The following PMPCB variants were observed in gnomAD, a reference collection of about 807,000 sequenced individuals.
PMPCB encodes peptidase, mitochondrial processing subunit beta, also known as mitochondrial-processing peptidase subunit beta.
In PMPCB, 46 loss-of-function variants were observed where a neutral mutation model predicts 61.5. The ratio of observed to expected loss-of-function variants is 0.75; its 90% CI spans 0.59 to 0.96. The LOEUF (loss-of-function observed/expected upper bound fraction) is 0.96. PMPCB is among the 40% of genes least tolerant of loss of function. The pLI is 0.00. For missense variants in PMPCB, 590 were observed against 602.4 expected (o/e 0.98, Z 0.22); for synonymous variants, 191 against 201.6 (o/e 0.95, Z 0.44).
At chr7:103,316,332 A>G, downstream of PMPCB, 2 of 322,150 alleles carry the variant, frequency 6.2e-6, no homozygotes, top group Non-Finnish European at 5.6e-6. Context: ...TGGTGTACAA[A>G]TCAACATAAA....
At chr7:103,345,049 C>T in the PMPCB span, 1 of 344,480 alleles carries the variant, frequency 2.9e-6, no homozygotes, top group Non-Finnish European at 5.2e-6. Context: ...CAGTGATTTT[C>T]CCAGGAGCGC....
chr7:103,304,362 TC>T (rs1586043059), intron 5 of PMPCB, 48 bp from the exon 6 acceptor site: 11 of 1,040,698 alleles, frequency 1.1e-5, no homozygotes, highest in Non-Finnish European at 1.1e-5. Context: ...TATGTGAAGA[TC>T]TGTTTTTTTT....
In PMPCB at chr7:103,304,413, C is replaced by G; in HGVS notation, c.659C>G (p.Ser220Cys). Reference protein sequence around the residue: ...TILGPTENIKSISRKDLVDYI... With the variant: ...TILGPTENIKCISRKDLVDYI... Reference sequence around the variant, plus strand: ...AAATTGTTTTACTTCATTTACAGATCTATAAGTCGTAAGGACTTAGTGGAT... The same window carrying G: ...AAATTGTTTTACTTCATTTACAGATGTATAAGTCGTAAGGACTTAGTGGAT... The change falls in exon 6 of 13, where the codon TCT (serine) becomes TGT (cysteine). Residue 220 changes from serine (S) to cysteine (C), a missense_variant and splice_region_variant. Physicochemically the swap from Ser to Cys is moderately radical, Grantham distance 112. Transcript: ENST00000249269. The G allele has an allele frequency of 6.4e-7, 1 of 1,556,758 alleles. No individual in the cohort carries two copies. The highest frequency in any genetic ancestry group is 8.9e-7 in the Non-Finnish European group (1 of 1,129,306).
At chr7:103,305,178 T>C (rs1020631177) in intron 6 of PMPCB, among the ~76,000 whole-genome samples, 2 of 152,222 alleles carry the variant, frequency 1.3e-5, no homozygotes, top group African/African-American at 4.8e-5. Flanking sequence ...GTTCATTCTT[T>C]GATTTGTTCA....
Position 103,312,925 on chromosome 7 carries a change from T to TATA in PMPCB, c.*656_*658dup, listed in dbSNP as rs754645435. On this transcript the variant is annotated 3_prime_UTR_variant, in exon 13 of 13. Transcript: ENST00000249269. ...AGCTACAATTTAAAATACAACAATC[T>TATA]ATAAACGCTTAAGTCTGCAACCTTG... 1 of 1,597,214 alleles carries TATA rather than the reference T, an allele frequency of 6.3e-7. No individual in the cohort carries two copies.
chr7:103,298,998 A>T (rs945070408), intron 2 of PMPCB, among the ~76,000 whole-genome samples: 2 of 152,230 alleles, frequency 1.3e-5, no homozygotes, highest in Non-Finnish European at 2.9e-5. Context: ...CTACTCTGCC[A>T]AGTGTTTTTA....
intron 12 of PMPCB, chr7:103,326,486 A>C (rs753582405): frequency 7.7e-6 from 12 of 1,555,570 alleles, no homozygotes; most frequent in Non-Finnish European, 1.1e-5. Context: ...GAAACCTGGA[A>C]GACTACAATA....
At chr7:103,344,612 A>C in the PMPCB span, 1 of 1,611,840 alleles carries the variant, frequency 6.2e-7, no homozygotes, top group East Asian at 2.2e-5. Flanking sequence ...GGCGCTTGGC[A>C]GAAGCAGCAT....
rs1473832731 is a variant in PMPCB, at chr7:103,297,535, C to G, written c.76C>G (p.Leu26Val). The G allele has an allele frequency of 2.5e-6, 4 of 1,609,172 alleles. No homozygotes were observed. Among genetic ancestry groups the G allele is most frequent in the South Asian group, 1.1e-5 (1 of 90,702 alleles). Reference protein sequence around the residue: ...RRLWGFSESLLIRGAAGRSLY... With the variant: ...RRLWGFSESLVIRGAAGRSLY... Reference sequence around the variant, plus strand: ...GCTCTGGGGTTTCAGCGAGAGTCTTCTAATCCGAGGCGCTGCGGGACGGGT... The same window carrying G: ...GCTCTGGGGTTTCAGCGAGAGTCTTGTAATCCGAGGCGCTGCGGGACGGGT... Residue 26 changes from leucine to valine, a missense_variant, in exon 1 of 13, where the codon CTA becomes GTA. Leu to Val is a conservative substitution (Grantham distance 32). Transcript: ENST00000249269.
At chr7:103,335,053 C>T in the PMPCB span, among the ~76,000 whole-genome samples, 2 of 151,968 alleles carry the variant, frequency 1.3e-5, no homozygotes, top group South Asian at 2.1e-4. Flanking sequence ...AGGCTGGTCT[C>T]GAACTCCTGA....
chr7:103,316,661 G>A (rs920190474), downstream of PMPCB: 14 of 615,208 alleles, frequency 2.3e-5, no homozygotes, highest in Non-Finnish European at 3.4e-5. Context: ...CTGATGCAAT[G>A]GGTAAGACTG....
intron 12 of PMPCB, chr7:103,319,944 A>G: frequency 7.7e-7 from 1 of 1,300,338 alleles, no homozygotes; most frequent in Non-Finnish European, 1.1e-6. Flanking sequence ...CTGAGGCAGG[A>G]GAATCGCTTG....
intron 6 of PMPCB, among the ~76,000 whole-genome samples, chr7:103,305,516 C>T (rs1242989067): frequency 6.6e-6 from 1 of 152,160 alleles, no homozygotes; most frequent in East Asian, 1.9e-4. Flanking sequence ...ACCTTGACCT[C>T]CCAAAACTTG....
At chr7:103,331,809 A>C (rs575893219), downstream of PMPCB, among the ~76,000 whole-genome samples, 1 of 152,190 alleles carries the variant, frequency 6.6e-6, no homozygotes, top group Non-Finnish European at 1.5e-5. Flanking sequence ...AGCCACAATA[A>C]AAACATGGGA....
rs1402744994 is a variant in PMPCB at position 103,313,140 on chromosome 7, A to G, written c.*869A>G. 1 of 1,578,068 alleles carries G rather than the reference A, an allele frequency of 6.3e-7. No individual in the cohort carries two copies. Among genetic ancestry groups the G allele is most frequent in the African/African-American group, 1.4e-5 (1 of 71,474 alleles). On this transcript the variant is annotated 3_prime_UTR_variant, in exon 13 of 13. Transcript: ENST00000249269. ...ATTTTTATTTGAAAACTGTCTTTGA[A>G]CATGTTCTCAGACAAGTCTTGTGGT...
rs76485920 is a variant in PMPCB, at chr7:103,312,153, C to T, written c.1405+22C>T. On this transcript the variant is annotated intron_variant, in intron 12 of 12. Coordinates refer to ENST00000249269, the MANE Select transcript of PMPCB (RefSeq NM_004279.3). ...GTTGGTAAGCCTGGCTTCTTTTCTT[C>T]TATGCAAAAAGTTGGCCAAGTACTT... 7.0e-4 allele frequency: 1,130 copies of T among 1,613,966 alleles called. 6 individuals are homozygous for T. In the African/African-American group the frequency reaches 0.014, roughly 20 times the overall value.
At chr7:103,346,760 C>T in the PMPCB span, among the ~76,000 whole-genome samples, 79 of 151,998 alleles carry the variant, frequency 5.2e-4, no homozygotes, top group Admixed American at 2.8e-3. Context: ...ATAATGTCTT[C>T]AAGGTTCATC....
intron 12 of PMPCB, chr7:103,321,986 A>C: frequency 1.2e-6 from 2 of 1,613,976 alleles, no homozygotes; most frequent in Non-Finnish European, 1.7e-6. Context: ...TTTTCTGGAT[A>C]TCTTTTTCCT....
At chr7:103,326,124 A>G (rs535130032) in intron 12 of PMPCB, among the ~76,000 whole-genome samples, 1 of 152,100 alleles carries the variant, frequency 6.6e-6, no homozygotes, top group African/African-American at 2.4e-5. Flanking sequence ...GATTACAGGC[A>G]TGCACCTCCA....
Sources: allele counts gnomAD v4.1 joint callset (sites outside exome capture counted in the v4.1 genomes callset), GRCh38; gene constraint gnomAD v4.1.1; transcripts MANE v1.5; gene names NCBI Gene and HGNC (gene_info 2026-07-23, HGNC 2026-07-21).